Variants in LRRK1 observed in about 807,000 individuals in gnomAD.
LRRK1 encodes leucine-rich repeat serine/threonine-protein kinase 1.
A neutral mutation model predicts 209.1 loss-of-function variants in LRRK1; 113 were observed. That is an observed-to-expected ratio of 0.54 (90% CI 0.46 to 0.63). The LOEUF is 0.63. LRRK1 is among the 30% of genes least tolerant of loss of function. The probability of loss-of-function intolerance (pLI) is 0.00; values close to 1 mark genes in which losing one functional copy is unlikely to be tolerated. For missense variants in LRRK1, 2,284 were observed against 2,632.2 expected, an observed-to-expected ratio of 0.87 and a Z score of 2.89; for synonymous variants, 1,144 against 1,099.7, an observed-to-expected ratio of 1.04 and a Z score of -0.80.
chr15:100,924,702 C>T lies in LRRK1; in HGVS notation c.70C>T (p.Pro24Ser). Residue 24 changes from proline to serine, a missense_variant, in exon 2 of 34, where the codon CCA (proline) becomes TCA (serine). Pro to Ser is a moderately conservative substitution (Grantham distance 74, BLOSUM62 -1). This residue lies in a region of LRRK1 where 174 missense variants were observed against 133.5 expected (regional missense o/e 1.30). Coordinates refer to ENST00000388948, the MANE Select transcript of LRRK1 (RefSeq NM_024652.6). The part of the protein sequence containing the change: ...CVGPEESAVC[P>S]ERAMETLNGA... ...GGGGCCGGAGGAGTCAGCTGTGTGT[C>T]CAGAACGTGCCATGGAGACGCTTAA... is the stretch of plus-strand genomic sequence containing the variant. 6 of 1,614,092 alleles carry T rather than the reference C, an allele frequency of 3.7e-6. No homozygotes were observed. The highest frequency in any genetic ancestry group is 4.2e-6 in the Non-Finnish European group (5 of 1,179,986).
chr15:101,056,522 CAG>C (rs775240763), intron 27 of LRRK1, among the ~76,000 whole-genome samples: 1 of 151,792 alleles, frequency 6.6e-6, no homozygotes, highest in Non-Finnish European at 1.5e-5. Context: ...GATAGGAAGA[CAG>C]ATGGATAAAT....
intron 6 of LRRK1, among the ~76,000 whole-genome samples, chr15:100,992,885 T>A (rs1967373): frequency 0.22 from 33,132 of 152,156 alleles, 3,927 homozygotes; most frequent in East Asian, 0.5. Flanking sequence ...GTCAGGCTAG[T>A]CTTGACCTCA....
In LRRK1 at chr15:101,062,577, C is replaced by T; in HGVS notation, c.4801C>T (p.Gln1601Ter). 6.2e-7 allele frequency: 1 copy of T among 1,610,648 alleles called. No individual in the cohort carries two copies. The part of the protein sequence containing the change: ...QRSLWTATED[Q>*]KIYIYTLKGM... ...GTGGACCTGTCTGCCTCTGCAGGACCAGAAAATCTACATCTACACCCTCAA... is the reference window on the plus strand; with the variant it reads ...GTGGACCTGTCTGCCTCTGCAGGACTAGAAAATCTACATCTACACCCTCAA... The change falls in exon 31 of 34, where the codon CAG becomes TAG. Residue 1601 changes from glutamine (Q) to a stop codon, truncating the protein, a stop_gained. Transcript: ENST00000388948. LOFTEE classifies it high-confidence loss of function.
rs369742615 is a variant in LRRK1 at position 101,075,446 on chromosome 15, C to G, written c.*6598C>G. 25 of 120,236 alleles carry G rather than the reference C, an allele frequency of 2.1e-4. 1 individual carries two copies. Among genetic ancestry groups the G allele is most frequent in the South Asian group, 1.9e-3 (7 of 3,740 alleles). The allele number at this position is 120,236 out of a possible 1,614,324, so 7.4% of individuals were successfully genotyped here. On this transcript the variant is annotated 3_prime_UTR_variant, in exon 34 of 34. Transcript: ENST00000388948. ...ACCTTAACCCATAAGTATAAGATACCTCTACTCCCTCCTTGGTGACCGATC... is the reference window on the plus strand; with the variant it reads ...ACCTTAACCCATAAGTATAAGATACGTCTACTCCCTCCTTGGTGACCGATC...
intron 2 of LRRK1, among the ~76,000 whole-genome samples, chr15:100,964,415 G>A (rs913985168): frequency 6.6e-6 from 1 of 152,202 alleles, no homozygotes; most frequent in African/African-American, 2.4e-5. Flanking sequence ...CAAAGCTAGG[G>A]CAACAGAGGG....
At chr15:100,976,532 G>A (rs2031303959) in intron 3 of LRRK1, among the ~76,000 whole-genome samples, 1 of 152,182 alleles carries the variant, frequency 6.6e-6, no homozygotes, top group Non-Finnish European at 1.5e-5. Context: ...AAAATCAGAA[G>A]GAAGGCTATG....
intron 2 of LRRK1, among the ~76,000 whole-genome samples, chr15:100,932,841 T>C (rs1004965224): frequency 1.3e-5 from 2 of 152,208 alleles, no homozygotes; most frequent in African/African-American, 4.8e-5. Context: ...ACCCCATCTA[T>C]CTGCTGCTCC....
chr15:100,926,599 A>AG (rs11451734), intron 2 of LRRK1, among the ~76,000 whole-genome samples: 129,317 of 132,848 alleles, frequency 0.97, 63,074 homozygotes, highest in East Asian at 1. Flanking sequence ...ATCTTGGGGC[A>AG]GGGGGGCGGG....
intron 2 of LRRK1, among the ~76,000 whole-genome samples, chr15:100,973,574 G>A (rs2031081304): frequency 6.6e-6 from 1 of 152,172 alleles, no homozygotes; most frequent in African/African-American, 2.4e-5. Flanking sequence ...TCTCGCTGCA[G>A]AATCCTCCGA....
intron 2 of LRRK1, among the ~76,000 whole-genome samples, chr15:100,934,949 T>C (rs2042274690): frequency 6.6e-6 from 1 of 152,178 alleles, no homozygotes; most frequent in Non-Finnish European, 1.5e-5. Context: ...ATCTCAGGTC[T>C]GCTCAGTTGA....
chr15:100,997,157 G>T (rs528449765), intron 6 of LRRK1, among the ~76,000 whole-genome samples: 1 of 151,758 alleles, frequency 6.6e-6, no homozygotes, highest in Non-Finnish European at 1.5e-5. Context: ...AGAGGGAGAT[G>T]ACTGCCTTTC....
chr15:100,937,649 C>A (rs1056846522), intron 2 of LRRK1, among the ~76,000 whole-genome samples: 75 of 152,038 alleles, frequency 4.9e-4, no homozygotes, highest in African/African-American at 1.8e-3. Flanking sequence ...ATTCTCCTGC[C>A]TCCACCTCCC....
At chr15:100,957,388 G>T (rs2042788221) in intron 2 of LRRK1, among the ~76,000 whole-genome samples, 1 of 151,970 alleles carries the variant, frequency 6.6e-6, no homozygotes, top group South Asian at 2.1e-4. Flanking sequence ...TTGAAAGTAG[G>T]GTATTGAAGT....
At chr15:100,991,177 A>G (rs1472730637) in intron 6 of LRRK1, among the ~76,000 whole-genome samples, 3 of 152,226 alleles carry the variant, frequency 2.0e-5, no homozygotes, top group Non-Finnish European at 2.9e-5. Flanking sequence ...GATTCTCAGT[A>G]CTGGTTCACT....
chr15:100,982,793 C>T (rs80324167), intron 3 of LRRK1, among the ~76,000 whole-genome samples: 6,977 of 152,332 alleles, frequency 0.046, 206 homozygotes, highest in Middle Eastern at 0.075. Flanking sequence ...AGCTCTGGCT[C>T]TATGCCAGAA....
Position 101,024,839 on chromosome 15 carries a change from G to A in LRRK1, c.2104G>A (p.Gly702Arg). The A allele has an allele frequency of 2.5e-6, 4 of 1,614,086 alleles. No homozygotes were observed. Among genetic ancestry groups the A allele is most frequent in the Non-Finnish European group, 3.4e-6 (4 of 1,179,968 alleles). The change falls in exon 16 of 34, where the codon GGA (glycine) becomes AGA (arginine). Residue 702 changes from glycine (G) to arginine (R), a missense_variant. Physicochemically the swap from Gly to Arg is moderately radical, Grantham distance 125. This residue lies in a region of LRRK1 where 780 missense variants were observed against 985.2 expected (regional missense o/e 0.79). Transcript: ENST00000388948. The surrounding 1 kb of genome is among the most constrained non-coding windows in gnomAD (Gnocchi z 4.6). ...GGAGTTCAACGTCTGGGACATCGGG[G>A]GACCGGCCAGCATGGCCACTGTCAA... ...SVEFNVWDIG[G>R]PASMATVNQC... is the part of the protein sequence containing the mutation.
intron 12 of LRRK1, among the ~76,000 whole-genome samples, chr15:101,016,137 G>T (rs962015417): frequency 6.6e-6 from 1 of 152,018 alleles, no homozygotes; most frequent in East Asian, 1.9e-4. Context: ...TTACAGGCAT[G>T]TGCCACCATG....
At chr15:101,023,340 T>C (rs2141711978) in intron 15 of LRRK1, among the ~76,000 whole-genome samples, 1 of 152,278 alleles carries the variant, frequency 6.6e-6, no homozygotes, top group Middle Eastern at 3.4e-3. Context: ...AAAAAATTTT[T>C]TGAGTCCATC....
At chr15:100,931,095 C>T (rs1441532490) in intron 2 of LRRK1, among the ~76,000 whole-genome samples, 1 of 152,254 alleles carries the variant, frequency 6.6e-6, no homozygotes, top group East Asian at 1.9e-4. Context: ...GAAAACCGAA[C>T]AGAAACACAT....
Sources: gnomAD v4.1 joint callset for allele counts (sites outside exome capture counted in the v4.1 genomes callset) on GRCh38, gnomAD v4.1.1 for gene constraint, gnomAD v4.1.1 regional missense constraint, Gnocchi (gnomAD v3.1) non-coding constraint, MANE v1.5 for transcripts, NCBI Gene and HGNC (gene_info 2026-07-23, HGNC 2026-07-21) for gene names.